The following MAN1C1 variants were observed in gnomAD, a reference collection of about 807,000 sequenced individuals.
MAN1C1 encodes the protein mannosyl-oligosaccharide 1,2-alpha-mannosidase IC.
In MAN1C1, 49 loss-of-function variants were observed where a neutral mutation model predicts 71.5. That is an observed-to-expected ratio of 0.69 (90% CI 0.54 to 0.87). The LOEUF is 0.87. MAN1C1 is among the 40% of genes least tolerant of loss of function. The pLI is 0.00. For synonymous variants in MAN1C1, 352 were observed against 343.7 expected, an observed-to-expected ratio of 1.02 and a Z score of -0.27; for missense variants, 743 against 835.0, an observed-to-expected ratio of 0.89 and a Z score of 1.36.
At chr1:25,740,113 T>C (rs1434715253) in intron 2 of MAN1C1, among the ~76,000 whole-genome samples, 1 of 152,054 alleles carries the variant, frequency 6.6e-6, no homozygotes, top group African/African-American at 2.4e-5. Flanking sequence ...GGAAAGCAGA[T>C]CCGTGCGTGA....
intron 2 of MAN1C1, among the ~76,000 whole-genome samples, chr1:25,697,027 T>C (rs1236307812): frequency 6.6e-6 from 1 of 152,238 alleles, no homozygotes; most frequent in African/African-American, 2.4e-5. Flanking sequence ...CATGTACTCT[T>C]TTATGGCGTG....
chr1:25,727,614 T>A (rs2046849938), intron 2 of MAN1C1, among the ~76,000 whole-genome samples: 1 of 152,254 alleles, frequency 6.6e-6, no homozygotes, highest in Non-Finnish European at 1.5e-5. Flanking sequence ...CATGGTATTC[T>A]GTGTGAAAGT....
At chr1:25,651,243 T>G (rs983787800) in intron 1 of MAN1C1, among the ~76,000 whole-genome samples, 4 of 152,240 alleles carry the variant, frequency 2.6e-5, no homozygotes, top group Non-Finnish European at 4.4e-5. Flanking sequence ...TGGCCCTGGT[T>G]GGAGACTCCT....
chr1:25,717,999 TACAC>T (rs71577794), intron 2 of MAN1C1, among the ~76,000 whole-genome samples: 48 of 148,580 alleles, frequency 3.2e-4, no homozygotes, highest in Middle Eastern at 6.9e-3. Context: ...TAGCTTTATT[TACAC>T]ACACACACAC....
intron 1 of MAN1C1, among the ~76,000 whole-genome samples, chr1:25,635,334 A>G (rs1248216281): frequency 2.6e-5 from 4 of 151,722 alleles, no homozygotes; most frequent in Admixed American, 6.6e-5. Flanking sequence ...TTTTTGCGGC[A>G]TTTTTCTCAA....
chr1:25,728,954 G>A (rs944669396), intron 2 of MAN1C1, among the ~76,000 whole-genome samples: 5 of 152,202 alleles, frequency 3.3e-5, no homozygotes, highest in African/African-American at 9.7e-5. Flanking sequence ...AAGAAGACTC[G>A]CTGTGTGGCT....
chr1:25,724,358 G>A (rs923441028), intron 2 of MAN1C1, among the ~76,000 whole-genome samples: 1 of 152,144 alleles, frequency 6.6e-6, no homozygotes, highest in Non-Finnish European at 1.5e-5. Context: ...GCTCACCCTT[G>A]TGCCTGGGGG....
At chr1:25,641,072 G>C (rs868297281) in intron 1 of MAN1C1, among the ~76,000 whole-genome samples, 1 of 152,316 alleles carries the variant, frequency 6.6e-6, no homozygotes, top group East Asian at 1.9e-4. Context: ...TGTATAGCCT[G>C]TAGTCTTTTA....
At chr1:25,770,205 C>T (rs908260628) in intron 7 of MAN1C1, among the ~76,000 whole-genome samples, 1 of 152,248 alleles carries the variant, frequency 6.6e-6, no homozygotes, top group South Asian at 2.1e-4. Flanking sequence ...CACACCAGAG[C>T]ATAGTCCAGC....
intron 2 of MAN1C1, among the ~76,000 whole-genome samples, chr1:25,698,317 C>T (rs2046393212): frequency 6.6e-6 from 1 of 152,132 alleles, no homozygotes. Flanking sequence ...AACCCTGGCC[C>T]CACCACTAAC....
rs932125450 is a variant in MAN1C1 at position 25,617,809 on chromosome 1, G to A, written c.12G>A (p.Arg4=). The change falls in exon 1 of 12, where the codon AGG becomes AGA. Residue 4 remains arginine, a synonymous_variant. Coordinates refer to ENST00000374332, the MANE Select transcript of MAN1C1 (RefSeq NM_020379.4). This position sits in a 1 kb window ranked among gnomAD's most constrained non-coding sequence, Gnocchi z 5.1. ...CCGGCCGGGCCACGATGCTCATGAGGAAAGTGCCCGGCTTCGTCCCGGCCT... is the reference window on the plus strand; with the variant it reads ...CCGGCCGGGCCACGATGCTCATGAGAAAAGTGCCCGGCTTCGTCCCGGCCT... MLM[R]KVPGFVPASP... 11 of 1,600,142 alleles carry A rather than the reference G, an allele frequency of 6.9e-6. No homozygotes were observed. Among genetic ancestry groups the A allele is most frequent in the Non-Finnish European group, 9.4e-6 (11 of 1,175,134 alleles).
intron 2 of MAN1C1, among the ~76,000 whole-genome samples, chr1:25,726,616 G>A (rs1047257919): frequency 2.0e-5 from 3 of 152,146 alleles, no homozygotes; most frequent in Non-Finnish European, 2.9e-5. Flanking sequence ...GAGAGCACAA[G>A]TACAGTAGGC....
chr1:25,635,190 G>C (rs983728119), intron 1 of MAN1C1, among the ~76,000 whole-genome samples: 2 of 152,054 alleles, frequency 1.3e-5, no homozygotes, highest in Non-Finnish European at 2.9e-5. Flanking sequence ...TTCTGAAAGA[G>C]TCTGTGGGAC....
chr1:25,782,076 C>A lies in MAN1C1; in HGVS notation c.1651-509C>A, dbSNP rs2047703252. On this transcript the variant is annotated intron_variant, in intron 10 of 11. Coordinates refer to ENST00000374332, the MANE Select transcript of MAN1C1 (RefSeq NM_020379.4). The surrounding 1 kb of genome is among the most constrained non-coding windows in gnomAD (Gnocchi z 4.4). Reference sequence around the variant, plus strand: ...CTCCAGCCTGGGCGACAAAATGAGACCTTGTCTCAAGAAAAAAAAATGCAT... The same window carrying A: ...CTCCAGCCTGGGCGACAAAATGAGAACTTGTCTCAAGAAAAAAAAATGCAT... Among the ~76,000 whole-genome samples, 1 of 150,294 alleles carries A rather than the reference C, an allele frequency of 6.7e-6. No individual in the cohort carries two copies. The highest frequency in any genetic ancestry group is 2.5e-5 in the African/African-American group (1 of 40,698).
At chr1:25,708,327 G>A (rs966868272) in intron 2 of MAN1C1, among the ~76,000 whole-genome samples, 6 of 152,148 alleles carry the variant, frequency 3.9e-5, no homozygotes, top group African/African-American at 7.2e-5. Context: ...TAGTCATGGC[G>A]CTGGTGGGAG....
chr1:25,747,531 G>C (rs1338724614), intron 3 of MAN1C1, among the ~76,000 whole-genome samples: 1 of 152,190 alleles, frequency 6.6e-6, no homozygotes, highest in African/African-American at 2.4e-5. Context: ...CACACACCAG[G>C]CTCCATGTGG....
At chr1:25,627,736 A>C (rs1310246538) in intron 1 of MAN1C1, among the ~76,000 whole-genome samples, 1 of 152,110 alleles carries the variant, frequency 6.6e-6, no homozygotes, top group Non-Finnish European at 1.5e-5. Flanking sequence ...CTTTCCATGA[A>C]AAATCTTGCT....
intron 9 of MAN1C1, among the ~76,000 whole-genome samples, chr1:25,780,119 A>T (rs887970492): frequency 1.3e-5 from 2 of 152,224 alleles, no homozygotes. Context: ...TCTGATCCTC[A>T]GTTTCCACAT....
intron 7 of MAN1C1, among the ~76,000 whole-genome samples, chr1:25,766,725 G>A (rs1572205386): frequency 6.6e-6 from 1 of 152,268 alleles, no homozygotes; most frequent in Non-Finnish European, 1.5e-5. Flanking sequence ...AACCCCCTGA[G>A]AGCTGCCGAG....
Sources: allele counts gnomAD v4.1 joint callset (sites outside exome capture counted in the v4.1 genomes callset), GRCh38; gene constraint gnomAD v4.1.1; non-coding constraint Gnocchi (gnomAD v3.1); transcripts MANE v1.5; gene names NCBI Gene and HGNC (gene_info 2026-07-23, HGNC 2026-07-21).